CDH1: variants seen among roughly 807,000 people sequenced by gnomAD.
CDH1 encodes cadherin 1.
A neutral mutation model predicts 84.5 loss-of-function variants in CDH1; 35 were observed. The observed-to-expected ratio is 0.41, with a 90% CI of 0.32 to 0.55. CDH1 has a LOEUF of 0.55. Among genes scored for constraint, CDH1 ranks in the 20% least tolerant of loss-of-function variants. The pLI, the probability that CDH1 is intolerant of heterozygous loss-of-function variation, is 0.19. For missense variants in CDH1, 994 were observed against 1,126.6 expected, an observed-to-expected ratio of 0.88 and a Z score of 1.68; for synonymous variants, 417 against 439.0, an observed-to-expected ratio of 0.95 and a Z score of 0.63.
rs553331076 is a variant in CDH1 at position 68,788,468 on chromosome 16, A to T, written c.164-13202A>T. 3.3e-5 allele frequency among the ~76,000 whole-genome samples: 5 copies of T among 152,184 alleles called. 1 individual carries two copies. The South Asian group carries it at 1.0e-3, about 32-fold the overall frequency. ...CTAACTCAGCTCCAGACAACCCTTG[A>T]TCTGCTTTTTGTCTCTAGTTTTCTA... On this transcript the variant is annotated intron_variant, in intron 2 of 15. Transcript: ENST00000261769.
chr16:68,802,026 A>T, intron 3 of CDH1, 133 bp downstream of exon 3: 1 of 772,400 alleles, frequency 1.3e-6, no homozygotes, highest in Non-Finnish European at 2.2e-6. Context: ...TGCACTGTGT[A>T]GGATGTTTAG....
intron 2 of CDH1, among the ~76,000 whole-genome samples, chr16:68,745,551 T>TATATATATATATATGTAC (rs1962707087): frequency 4.9e-5 from 1 of 20,216 alleles, no homozygotes; most frequent in African/African-American, 9.6e-5. Flanking sequence ...AAAAAAAAAA[T>TATATATATATATATGTAC]ATATATATAT....
At chr16:68,790,565 C>T (rs1022231299) in intron 2 of CDH1, among the ~76,000 whole-genome samples, 1 of 152,112 alleles carries the variant, frequency 6.6e-6, no homozygotes, top group African/African-American at 2.4e-5. Flanking sequence ...CCCCATTCTC[C>T]TTATTCTTTT....
intron 13 of CDH1, among the ~76,000 whole-genome samples, chr16:68,827,438 G>A (rs1322960118): frequency 1.3e-5 from 2 of 151,368 alleles, no homozygotes; most frequent in African/African-American, 4.9e-5. Flanking sequence ...GGCTGCTTTA[G>A]AGATTTTTTT....
chr16:68,770,490 A>C (rs1383571989), intron 2 of CDH1, among the ~76,000 whole-genome samples: 1 of 152,054 alleles, frequency 6.6e-6, no homozygotes, highest in East Asian at 1.9e-4. Context: ...ATTCATTCAG[A>C]GCCTGCTGTG....
rs1042832372 is a variant in CDH1 at position 68,822,501 on chromosome 16, C to T, written c.1936+276C>T. The T allele has an allele frequency of 1.1e-5, 6 of 555,772 alleles. No homozygotes were observed. The African/African-American group carries it at 1.1e-4, about 10-fold the overall frequency. The allele number at this position is 555,772 out of a possible 1,614,324, so 34.4% of individuals were successfully genotyped here. On this transcript the variant is annotated intron_variant, in intron 12 of 15. Coordinates refer to ENST00000261769, the MANE Select transcript of CDH1 (RefSeq NM_004360.5). Reference sequence around the variant, plus strand: ...CCTCCACTCCCCTCTCCACTTGCAACCAGGACCATCTTCTCTGCTACCTCC... The same window carrying T: ...CCTCCACTCCCCTCTCCACTTGCAATCAGGACCATCTTCTCTGCTACCTCC...
At chr16:68,776,394 T>C (rs1203326730) in intron 2 of CDH1, among the ~76,000 whole-genome samples, 1 of 152,218 alleles carries the variant, frequency 6.6e-6, no homozygotes, top group Non-Finnish European at 1.5e-5. Flanking sequence ...TGGATTAAAG[T>C]GCTGAGTGGC....
intron 2 of CDH1, among the ~76,000 whole-genome samples, chr16:68,745,549 A>AAAAAATATATATATATATGT (rs1555510453): frequency 1.3e-5 from 1 of 75,182 alleles, no homozygotes; most frequent in African/African-American, 5.5e-5. Flanking sequence ...AAAAAAAAAA[A>AAAAAATATATATATATATGT]ATATATATAT....
At chr16:68,786,534 C>CTTTTTGTT (rs1960052680) in intron 2 of CDH1, among the ~76,000 whole-genome samples, 1 of 73,914 alleles carries the variant, frequency 1.4e-5, no homozygotes, top group African/African-American at 5.9e-5. Flanking sequence ...TTTTTTTTTT[C>CTTTTTGTT]TTTTTTTTTT....
At chr16:68,828,059 A>G (rs1206591300) in intron 13 of CDH1, 115 bp from the exon 14 acceptor site, 1 of 1,106,574 alleles carries the variant, frequency 9.0e-7, no homozygotes, top group Non-Finnish European at 1.4e-6. Flanking sequence ...GAAGGCAGCT[A>G]GTGGCTGTCT....
At chr16:68,759,732 C>T (rs1963114907) in intron 2 of CDH1, among the ~76,000 whole-genome samples, 1 of 152,156 alleles carries the variant, frequency 6.6e-6, no homozygotes, top group African/African-American at 2.4e-5. Flanking sequence ...CTCAGGTGAT[C>T]TGCCTTGGCC....
At chr16:68,766,243 A>C (rs1174368206) in intron 2 of CDH1, among the ~76,000 whole-genome samples, 1 of 152,194 alleles carries the variant, frequency 6.6e-6, no homozygotes, top group Non-Finnish European at 1.5e-5. Context: ...TGGGCGACAG[A>C]GTGAGATTCT....
At chr16:68,830,388 G>A (rs1961455113) in intron 15 of CDH1, among the ~76,000 whole-genome samples, 1 of 152,118 alleles carries the variant, frequency 6.6e-6, no homozygotes. Flanking sequence ...AAGATTCTAA[G>A]TAAATTTCAT....
rs913163473 is a variant in CDH1 at position 68,738,226 on chromosome 16, G to A, written c.49-71G>A. ...ACGCCGGGAGCGAGGGAGGGGCGGCGCTGTTGGTTTCGGTGAGCAGGAGGG... is the reference window on the plus strand; with the variant it reads ...ACGCCGGGAGCGAGGGAGGGGCGGCACTGTTGGTTTCGGTGAGCAGGAGGG... On this transcript the variant is annotated intron_variant, in intron 1 of 15. Transcript: ENST00000261769. 9 of 1,011,058 alleles carry A rather than the reference G, an allele frequency of 8.9e-6. No homozygotes were observed. The African/African-American group carries it at 1.5e-4, about 16-fold the overall frequency. 62.6% of individuals were successfully genotyped at this position (1,011,058 alleles called of 1,614,324 possible).
rs553587216 is a variant in CDH1, at chr16:68,783,886, AG to A, written c.164-17782del. Among the ~76,000 whole-genome samples the A allele has an allele frequency of 7.1e-3, 1,081 of 152,238 alleles. 21 individuals are homozygous for A. The highest frequency in any genetic ancestry group is 0.025 in the African/African-American group (1,028 of 41,538). Reference sequence around the variant, plus strand: ...GAGATGGAGTTTCACCATGTTGGCCAGGCTGGTCCTGAACTCCTGACCTCAA... The same window carrying A: ...GAGATGGAGTTTCACCATGTTGGCCAGCTGGTCCTGAACTCCTGACCTCAA... On this transcript the variant is annotated intron_variant, in intron 2 of 15. Coordinates refer to ENST00000261769, the MANE Select transcript of CDH1 (RefSeq NM_004360.5).
chr16:68,755,073 A>T (rs1962982678), intron 2 of CDH1, among the ~76,000 whole-genome samples: 1 of 151,732 alleles, frequency 6.6e-6, no homozygotes, highest in Non-Finnish European at 1.5e-5. Flanking sequence ...TGAGCCCAGG[A>T]GTTCAAGACC....
intron 2 of CDH1, among the ~76,000 whole-genome samples, chr16:68,746,152 G>A (rs1430013050): frequency 1.3e-5 from 2 of 152,212 alleles, no homozygotes; most frequent in Non-Finnish European, 2.9e-5. Context: ...CTCAGGCCAG[G>A]TGCGGTGGCT....
chr16:68,804,069 G>A (rs1274971858), intron 3 of CDH1, among the ~76,000 whole-genome samples: 1 of 140,542 alleles, frequency 7.1e-6, no homozygotes, highest in Non-Finnish European at 1.5e-5. Context: ...GAAAGGAGAA[G>A]CATAAAAATT....
intron 15 of CDH1, among the ~76,000 whole-genome samples, chr16:68,831,487 A>G (rs1961483423): frequency 6.6e-6 from 1 of 151,948 alleles, no homozygotes; most frequent in Admixed American, 6.6e-5. Flanking sequence ...GGAAAAAACA[A>G]GAAACAGAAA....
Sources: gnomAD v4.1 joint callset for allele counts (sites outside exome capture counted in the v4.1 genomes callset) on GRCh38, gnomAD v4.1.1 for gene constraint, MANE v1.5 for transcripts, NCBI Gene and HGNC (gene_info 2026-07-23, HGNC 2026-07-21) for gene names.